Variants in OSBPL10 observed in about 807,000 individuals in gnomAD.
The protein encoded by OSBPL10 is oxysterol-binding protein-related protein 10.
OSBPL10 carries 49 observed loss-of-function variants against 81.7 expected under a neutral mutation model. The observed-to-expected ratio is 0.60, with a 90% CI of 0.48 to 0.76. OSBPL10 has a LOEUF of 0.76. Ranked by LOEUF, OSBPL10 falls within the 30% of genes least tolerant of loss-of-function variation. The pLI is 0.00. For synonymous variants in OSBPL10, 419 were observed against 383.6 expected (o/e 1.09, Z -1.08); for missense variants, 923 against 987.8 (o/e 0.93, Z 0.88).
chr3:31,846,603 G>T lies in OSBPL10; in HGVS notation c.538-16372C>A, dbSNP rs996473610. Among the ~76,000 whole-genome samples the T allele has an allele frequency of 2.1e-4, 31 of 150,742 alleles. 1 individual carries two copies. The highest frequency in any genetic ancestry group is 1.9e-3 in the Admixed American group (29 of 14,948). On this transcript the variant is annotated intron_variant, in intron 3 of 11. Coordinates refer to ENST00000396556, the MANE Select transcript of OSBPL10 (RefSeq NM_017784.5). ...GCCAAGATCACGCCATTGCACTCCAGCCTGGGCAACAAGAGCAAAACTCCA... is the reference window on the plus strand; with the variant it reads ...GCCAAGATCACGCCATTGCACTCCATCCTGGGCAACAAGAGCAAAACTCCA...
intron 2 of OSBPL10, among the ~76,000 whole-genome samples, chr3:32,033,373 A>G (rs1057450565): frequency 2.0e-5 from 3 of 152,326 alleles, no homozygotes; most frequent in East Asian, 3.9e-4. Context: ...TGCCAGTCCT[A>G]AGATTAGGAA....
chr3:31,733,081 AAC>A, intron 6 of OSBPL10, 174 bp downstream of exon 6: 1 of 774,424 alleles, frequency 1.3e-6, no homozygotes. Flanking sequence ...CAGACACAAG[AAC>A]ATGAGAAGTG....
chr3:31,663,875 C>T, intron 11 of OSBPL10: 4 of 1,451,696 alleles, frequency 2.8e-6, no homozygotes, highest in Non-Finnish European at 3.6e-6. Flanking sequence ...CAGTTCTGCC[C>T]TCCAGAAGGT....
chr3:31,960,468 T>C (rs1477468220), intron 1 of OSBPL10: 1 of 152,220 alleles, frequency 6.6e-6, no homozygotes, highest in Non-Finnish European at 1.5e-5. Context: ...TGAGATGCAA[T>C]AGGGGAACCA....
intron 3 of OSBPL10, among the ~76,000 whole-genome samples, chr3:31,856,069 T>TACACACAC (rs10576489): frequency 3.9e-4 from 53 of 134,478 alleles, no homozygotes; most frequent in African/African-American, 8.2e-4. Flanking sequence ...ATGTTTATAT[T>TACACACAC]ACACACACAC....
At chr3:31,688,279 TCTCTCACACACA>T (rs1357872436) in intron 7 of OSBPL10, among the ~76,000 whole-genome samples, 92 of 77,880 alleles carry the variant, frequency 1.2e-3, no homozygotes, top group African/African-American at 2.6e-3. Context: ...TCTCTCTCTC[TCTCTCACACACA>T]CACACACACA....
At chr3:32,028,966 A>C (rs1054645048) in intron 2 of OSBPL10, among the ~76,000 whole-genome samples, 2 of 150,772 alleles carry the variant, frequency 1.3e-5, no homozygotes, top group Non-Finnish European at 3.0e-5. Context: ...ACACACACAC[A>C]CACACACACA....
intron 4 of OSBPL10, among the ~76,000 whole-genome samples, chr3:31,792,738 AGAGT>A (rs1387491658): frequency 2.5e-4 from 26 of 104,890 alleles, no homozygotes; most frequent in Middle Eastern, 4.5e-3. Context: ...ATCCAGACAC[AGAGT>A]GTGTGTGTGT....
At chr3:31,913,707 A>G (rs191020485) in intron 1 of OSBPL10, among the ~76,000 whole-genome samples, 2 of 152,334 alleles carry the variant, frequency 1.3e-5, no homozygotes, top group Admixed American at 1.3e-4. Context: ...ACAACAAAAT[A>G]TATGTATATA....
At chr3:31,851,215 G>A (rs1037461909) in intron 3 of OSBPL10, among the ~76,000 whole-genome samples, 1 of 152,174 alleles carries the variant, frequency 6.6e-6, no homozygotes, top group Non-Finnish European at 1.5e-5. Flanking sequence ...CCCACTGGGG[G>A]AAGAAAATAT....
intron 5 of OSBPL10, among the ~76,000 whole-genome samples, chr3:31,736,644 T>C (rs947675928): frequency 3.3e-5 from 5 of 152,218 alleles, no homozygotes; most frequent in African/African-American, 1.2e-4. Context: ...TTCTTTGCTT[T>C]ATTACACAAG....
intron 4 of OSBPL10, among the ~76,000 whole-genome samples, chr3:31,762,629 C>CTTTTTTTTTTTTTTTTTTTTTTTTTT (rs1491572896): frequency 5.8e-5 from 1 of 17,236 alleles, no homozygotes; most frequent in African/African-American, 4.1e-4. Flanking sequence ...CCATGCCCAG[C>CTTTTTTTTTTTTTTTTTTTTTTTTTT]ATTTTTTTTT....
intron 4 of OSBPL10, among the ~76,000 whole-genome samples, chr3:31,790,741 G>T (rs1397400958): frequency 6.6e-6 from 1 of 152,130 alleles, no homozygotes; most frequent in African/African-American, 2.4e-5. Flanking sequence ...GACACCTGGT[G>T]ACCCTGATAA....
intron 1 of OSBPL10, among the ~76,000 whole-genome samples, chr3:31,965,162 G>A (rs1342633126): frequency 1.3e-5 from 2 of 151,644 alleles, no homozygotes; most frequent in Non-Finnish European, 2.9e-5. Flanking sequence ...GAGGTCAGGA[G>A]ATTGTGACCA....
At chr3:31,743,103 C>T (rs1167306348) in intron 5 of OSBPL10, among the ~76,000 whole-genome samples, 6 of 130,868 alleles carry the variant, frequency 4.6e-5, no homozygotes, top group East Asian at 2.3e-4. Context: ...CGCAGTGGTG[C>T]GATCTCAGCT....
At chr3:31,789,816 G>C (rs1465134680) in intron 4 of OSBPL10, among the ~76,000 whole-genome samples, 1 of 152,146 alleles carries the variant, frequency 6.6e-6, no homozygotes, top group Non-Finnish European at 1.5e-5. Flanking sequence ...AGGATGACTG[G>C]ACTATGCACC....
rs528622424 is a variant in OSBPL10 at position 31,917,835 on chromosome 3, C to A, written c.282-38005G>T. On this transcript the variant is annotated intron_variant, in intron 1 of 11. Transcript: ENST00000396556. Reference sequence around the variant, plus strand: ...CTTTGCTCCTCGGTTTTGTTATCAGCCTTAGTTAAGGTGTTTGAGAGAAAC... The same window carrying A: ...CTTTGCTCCTCGGTTTTGTTATCAGACTTAGTTAAGGTGTTTGAGAGAAAC... Among the ~76,000 whole-genome samples the A allele has an allele frequency of 4.6e-5, 7 of 151,362 alleles. No homozygotes were observed. In the East Asian group the frequency reaches 1.4e-3, roughly 29 times the overall value.
chr3:32,036,574 T>C lies in OSBPL10; in HGVS notation n.298+9917A>G, dbSNP rs13318993. Among the ~76,000 whole-genome samples the C allele has an allele frequency of 3.6e-3, 555 of 152,258 alleles. 5 individuals are homozygous for C. Among genetic ancestry groups the C allele is most frequent in the African/African-American group, 0.013 (520 of 41,550 alleles). On this transcript the variant is annotated intron_variant and non_coding_transcript_variant, in intron 2 of 3. Coordinates refer to the OSBPL10 transcript ENST00000479173. ...CCTTCCCAACTTAGTAAGATGCTGGTCCCTGAAAGGAGTGATAGATAAGGA... is the reference window on the plus strand; with the variant it reads ...CCTTCCCAACTTAGTAAGATGCTGGCCCCTGAAAGGAGTGATAGATAAGGA...
At chr3:31,818,497 C>G (rs1699903719) in intron 4 of OSBPL10, among the ~76,000 whole-genome samples, 1 of 152,218 alleles carries the variant, frequency 6.6e-6, no homozygotes, top group African/African-American at 2.4e-5. Flanking sequence ...CTGGTTCCAT[C>G]TCTCCGAAGA....
Sources: gnomAD v4.1 joint callset for allele counts (sites outside exome capture counted in the v4.1 genomes callset) on GRCh38, gnomAD v4.1.1 for gene constraint, MANE v1.5 for transcripts, NCBI Gene and HGNC (gene_info 2026-07-23, HGNC 2026-07-21) for gene names.